Variants in PLCG2 observed in about 807,000 individuals in gnomAD.
PLCG2 encodes the protein phospholipase C gamma 2.
PLCG2 carries 69 observed loss-of-function variants against 175.6 expected under a neutral mutation model. That is an observed-to-expected ratio of 0.39 (90% CI 0.32 to 0.48). PLCG2 has a LOEUF of 0.48. PLCG2 is among the 20% of genes least tolerant of loss of function. PLCG2 has a pLI of 0.91. For synonymous variants in PLCG2, 827 were observed against 624.0 expected (o/e 1.33, Z -4.85); for missense variants, 1,798 against 1,650.9 (o/e 1.09, Z -1.54).
intron 30 of PLCG2, 41 bp downstream of exon 30, chr16:81,940,100 G>T (rs192615165): frequency 6.4e-5 from 98 of 1,538,796 alleles, no homozygotes; most frequent in Non-Finnish European, 8.4e-5. Flanking sequence ...TTGGGCTGGC[G>T]TTGTACTTTG....
intron 2 of PLCG2, among the ~76,000 whole-genome samples, chr16:81,829,516 C>T (rs146877191): frequency 1.3e-5 from 2 of 152,320 alleles, no homozygotes; most frequent in African/African-American, 4.8e-5. Flanking sequence ...CCACACCCGG[C>T]CCATTTCTCT....
intron 31 of PLCG2, among the ~76,000 whole-genome samples, chr16:81,955,895 G>A (rs1181785103): frequency 6.6e-6 from 1 of 152,152 alleles, no homozygotes; most frequent in Non-Finnish European, 1.5e-5. Context: ...TTGGGTAACA[G>A]CTTTGAGAGA....
intron 2 of PLCG2, among the ~76,000 whole-genome samples, chr16:81,853,955 C>T (rs545494464): frequency 6.6e-6 from 1 of 152,238 alleles, no homozygotes; most frequent in South Asian, 2.1e-4. Flanking sequence ...GCCTTCATTT[C>T]CTCTTCCCCC....
At chr16:81,948,108 G>C (rs1428348139) in intron 31 of PLCG2, among the ~76,000 whole-genome samples, 1 of 136,036 alleles carries the variant, frequency 7.4e-6, no homozygotes, top group East Asian at 2.0e-4. Context: ...AGGTCTTCAT[G>C]TAATATTTTC....
intron 2 of PLCG2, among the ~76,000 whole-genome samples, chr16:81,846,590 A>G (rs1212821773): frequency 6.6e-6 from 1 of 152,234 alleles, no homozygotes; most frequent in Admixed American, 6.5e-5. Flanking sequence ...GGCCAGGATC[A>G]AGTACATCCA....
chr16:81,920,140 A>C (rs560414777), intron 20 of PLCG2, among the ~76,000 whole-genome samples: 2 of 152,260 alleles, frequency 1.3e-5, no homozygotes, highest in East Asian at 3.9e-4. Context: ...GGTAGAGCTA[A>C]ATAAGGATGA....
chr16:81,910,017 G>T (rs1909548071), intron 17 of PLCG2, among the ~76,000 whole-genome samples: 1 of 146,586 alleles, frequency 6.8e-6, no homozygotes, highest in South Asian at 2.3e-4. Context: ...GGGTGGGGTG[G>T]GGTGGGGGAA....
At chr16:81,859,613 C>T (rs1217505682) in intron 5 of PLCG2, among the ~76,000 whole-genome samples, 4 of 151,870 alleles carry the variant, frequency 2.6e-5, no homozygotes, top group Non-Finnish European at 4.4e-5. Flanking sequence ...CAGCTCACTG[C>T]GAGCTCCGCC....
chr16:81,917,775 G>A (rs573083747), intron 19 of PLCG2, among the ~76,000 whole-genome samples: 185 of 152,298 alleles, frequency 1.2e-3, no homozygotes, highest in Non-Finnish European at 1.6e-3. Context: ...AGGCTGGAGT[G>A]CAGTGGTGTG....
At chr16:81,936,032 A>G in intron 26 of PLCG2, 137 bp from the exon 27 acceptor site, 5 of 1,463,334 alleles carry the variant, frequency 3.4e-6, no homozygotes, top group Non-Finnish European at 4.5e-6. Flanking sequence ...GGACAATATC[A>G]TCAGAACCCC....
At chr16:81,768,945 C>G (rs1004673324) in intron 2 of PLCG2, among the ~76,000 whole-genome samples, 15 of 152,156 alleles carry the variant, frequency 9.9e-5, no homozygotes, top group Admixed American at 1.3e-4. Context: ...CCCCAGCAGC[C>G]TGGGACTCCT....
In PLCG2 at chr16:81,923,612, C is replaced by T; in HGVS notation, c.2417+18C>T. 2 of 1,482,204 alleles carry T rather than the reference C, an allele frequency of 1.3e-6. No homozygotes were observed. The highest frequency in any genetic ancestry group is 9.4e-7 in the Non-Finnish European group (1 of 1,061,814). 91.8% of individuals were successfully genotyped at this position (1,482,204 alleles called of 1,614,324 possible). ...GGGGGCTGGTAAGGCTGAGTGGAGG[C>T]TGGGCTGCTCGGCAGGTGGGCTTGA... On this transcript the variant is annotated intron_variant, in intron 22 of 32. Coordinates refer to ENST00000564138, the MANE Select transcript of PLCG2 (RefSeq NM_002661.5).
At chr16:81,813,807 G>A (rs748799137) in intron 2 of PLCG2, among the ~76,000 whole-genome samples, 1 of 152,204 alleles carries the variant, frequency 6.6e-6, no homozygotes, top group Non-Finnish European at 1.5e-5. Context: ...TTACAGCATG[G>A]TGGTCTCATA....
At chr16:81,903,681 G>A (rs1015647669) in intron 14 of PLCG2, among the ~76,000 whole-genome samples, 3 of 152,280 alleles carry the variant, frequency 2.0e-5, no homozygotes, top group Admixed American at 6.5e-5. Context: ...GAGGGTCCAT[G>A]GCTTCTCAGG....
At chr16:81,904,480 G>A (rs898605640) in intron 14 of PLCG2, among the ~76,000 whole-genome samples, 3 of 152,202 alleles carry the variant, frequency 2.0e-5, no homozygotes, top group African/African-American at 7.2e-5. Flanking sequence ...GCTCAGAGAA[G>A]TGCAGCCACT....
At chr16:81,747,454 G>C (rs1909727044) in intron 1 of PLCG2, among the ~76,000 whole-genome samples, 1 of 152,154 alleles carries the variant, frequency 6.6e-6, no homozygotes, top group South Asian at 2.1e-4. Flanking sequence ...AGAATTCCTT[G>C]AACCCGGGAG....
At chr16:81,845,149 A>G (rs1906047404) in intron 2 of PLCG2, among the ~76,000 whole-genome samples, 1 of 152,034 alleles carries the variant, frequency 6.6e-6, no homozygotes, top group Admixed American at 6.6e-5. Context: ...TTTGTTGCCC[A>G]GGTTGGTCTT....
Position 81,934,658 on chromosome 16 carries a change from C to T in PLCG2, c.2842+127C>T. On this transcript the variant is annotated intron_variant, in intron 26 of 32. Coordinates refer to ENST00000564138, the MANE Select transcript of PLCG2 (RefSeq NM_002661.5). ...CTTAACTACTCCCAGTAGATGGCCC[C>T]ACCTTGGGTTTGTCCTCCGAGTGAG... The T allele has an allele frequency of 5.9e-6, 4 of 677,458 alleles. No individual in the cohort carries two copies. In the South Asian group the frequency reaches 7.2e-5, roughly 12 times the overall value. 42.0% of individuals were successfully genotyped at this position (677,458 alleles called of 1,614,324 possible).
intron 10 of PLCG2, among the ~76,000 whole-genome samples, chr16:81,890,505 TGACC>T (rs754099028): frequency 2.6e-5 from 4 of 152,192 alleles, no homozygotes; most frequent in Admixed American, 2.0e-4. Context: ...TCTTCTCTAC[TGACC>T]GTGTTGCCTG....
Sources: gnomAD v4.1 joint callset for allele counts (sites outside exome capture counted in the v4.1 genomes callset) on GRCh38, gnomAD v4.1.1 for gene constraint, MANE v1.5 for transcripts, NCBI Gene and HGNC (gene_info 2026-07-23, HGNC 2026-07-21) for gene names.